The following TMEM9 variants were observed in gnomAD, a reference collection of about 807,000 sequenced individuals.
The protein encoded by TMEM9 is transmembrane protein 9.
A neutral mutation model predicts 22.8 loss-of-function variants in TMEM9; 13 were observed. That is an observed-to-expected ratio of 0.57 (90% CI 0.37 to 0.91). The LOEUF (loss-of-function observed/expected upper bound fraction) is 0.91. Among genes scored for constraint, TMEM9 ranks in the 40% least tolerant of loss-of-function variants. The pLI is 0.01. For synonymous variants in TMEM9, 88 were observed against 93.0 expected (o/e 0.95, Z 0.31); for missense variants, 182 against 238.1 (o/e 0.76, Z 1.55).
At chr1:201,155,175 G>A (rs1223786359), upstream of TMEM9, among the ~76,000 whole-genome samples, 7 of 152,218 alleles carry the variant, frequency 4.6e-5, no homozygotes, top group South Asian at 2.1e-4. Flanking sequence ...TGAGGACACC[G>A]GGGCTTTGGC....
chr1:201,153,916 A>C lies in TMEM9; in HGVS notation c.8T>G (p.Leu3Arg). MK[L>R]LSLVAVVGCL... ...CCCGACCACAGCCACCAAAGATAAG[A>C]GCTTCATGCTTATCAGGCTTGCTGG... is the stretch of plus-strand genomic sequence containing the variant. Residue 3 changes from leucine (L) to arginine (R), a missense_variant, in exon 1 of 5, where the codon CTC becomes CGC. Coordinates refer to ENST00000367330, the MANE Select transcript of TMEM9 (RefSeq NM_001288565.2). 6.2e-7 allele frequency: 1 copy of C among 1,611,704 alleles called. No homozygotes were observed. The highest frequency in any genetic ancestry group is 8.5e-7 in the Non-Finnish European group (1 of 1,178,542).
chr1:201,167,245 C>T (rs559471852), intron 1 of TMEM9, among the ~76,000 whole-genome samples: 6 of 152,300 alleles, frequency 3.9e-5, no homozygotes, highest in South Asian at 2.1e-4. Flanking sequence ...AGCCACGCCA[C>T]GCGGGCGACA....
At chr1:201,137,410 G>T (rs75740255) in intron 4 of TMEM9, among the ~76,000 whole-genome samples, 1,545 of 151,426 alleles carry the variant, frequency 0.01, 31 homozygotes, top group African/African-American at 0.036. Flanking sequence ...TGTAGTAAAT[G>T]TAGTCATTGA....
intron 1 of TMEM9, among the ~76,000 whole-genome samples, chr1:201,169,160 G>C (rs1320702451): frequency 6.6e-6 from 1 of 152,006 alleles, no homozygotes; most frequent in African/African-American, 2.4e-5. Flanking sequence ...GTGGGTTGGG[G>C]AGGAGGGTAC....
rs780290592 is a variant in TMEM9, at chr1:201,162,172, A to AT, written c.-36-8214dup. ...AGATCTAAACAAATATGCCCAATTG[A>AT]TTTTTTTTTTTTTTTTCCTGAGACA... is the stretch of plus-strand genomic sequence containing the variant. On this transcript the variant is annotated intron_variant, in intron 1 of 5. Coordinates refer to the TMEM9 transcript ENST00000367333. Among the ~76,000 whole-genome samples, 552 of 140,710 alleles carry AT rather than the reference A, an allele frequency of 3.9e-3. 2 individuals are homozygous for AT. The highest frequency in any genetic ancestry group is 7.7e-3 in the South Asian group (34 of 4,406). 92.3% of individuals were successfully genotyped at this position (140,710 alleles called of 152,430 possible). A position where few individuals can be genotyped will look rare whatever the true frequency, so the allele number is the denominator to read the frequency against.
chr1:201,151,712 A>T (rs777964266), intron 2 of TMEM9, 49 bp downstream of exon 2: 12 of 1,439,962 alleles, frequency 8.3e-6, no homozygotes, highest in Non-Finnish European at 8.8e-6. Flanking sequence ...GTAAACACCC[A>T]TAACTTCAAC....
intron 1 of TMEM9, among the ~76,000 whole-genome samples, chr1:201,162,974 C>T (rs1420943487): frequency 3.3e-5 from 5 of 152,132 alleles, no homozygotes; most frequent in Non-Finnish European, 7.3e-5. Context: ...ACGTCACAGC[C>T]ATTAGGGAAA....
At chr1:201,140,892 C>T (rs1664462904) in intron 4 of TMEM9, among the ~76,000 whole-genome samples, 1 of 152,180 alleles carries the variant, frequency 6.6e-6, no homozygotes, top group African/African-American at 2.4e-5. Flanking sequence ...TGCCCCCCAG[C>T]CCCATGTTTC....
chr1:201,168,279 G>T (rs893421455), intron 1 of TMEM9, among the ~76,000 whole-genome samples: 2 of 152,300 alleles, frequency 1.3e-5, no homozygotes, highest in East Asian at 3.9e-4. Context: ...CCTAGGAGTA[G>T]AATTGCTGAG....
In TMEM9 at chr1:201,166,393, A is replaced by T. The variant is rs144401633; in HGVS notation, c.-37+5097T>A. On this transcript the variant is annotated intron_variant, in intron 1 of 5. Coordinates refer to the TMEM9 transcript ENST00000367333. ...TTTTTTTTTTTTGATACAGAGTCTC[A>T]CTCTGTCACCCAGGCTAGAAATGCA... 1.9e-3 allele frequency among the ~76,000 whole-genome samples: 276 copies of T among 148,864 alleles called. 1 individual carries two copies. The highest frequency in any genetic ancestry group is 2.1e-3 in the South Asian group (10 of 4,704).
rs540733513 is a variant in TMEM9 at position 201,146,541 on chromosome 1, G to C, written c.267+199C>G. 5.9e-6 allele frequency: 4 copies of C among 679,388 alleles called. No homozygotes were observed. The South Asian group carries it at 6.4e-5, about 11-fold the overall frequency. 42.1% of individuals were successfully genotyped at this position (679,388 alleles called of 1,614,324 possible). A position where few individuals can be genotyped will look rare whatever the true frequency, so the allele number is the denominator to read the frequency against. The stretch of plus-strand genomic sequence containing the variant: ...CCTCTCACTGTAATGGTAACTACTG[G>C]AAAGAGAGCAGAGAAGGGAGCTGGC... On this transcript the variant is annotated intron_variant, in intron 3 of 4. Transcript: ENST00000367330.
At chr1:201,138,158 G>A (rs1664167577) in intron 4 of TMEM9, among the ~76,000 whole-genome samples, 1 of 152,100 alleles carries the variant, frequency 6.6e-6, no homozygotes, top group African/African-American at 2.4e-5. Flanking sequence ...TGGAAGGGTG[G>A]GGCAGCTTTA....
chr1:201,147,639 T>C (rs1277503757), intron 2 of TMEM9, among the ~76,000 whole-genome samples: 1 of 152,164 alleles, frequency 6.6e-6, no homozygotes, highest in Non-Finnish European at 1.5e-5. Context: ...GGCAGCCAAG[T>C]GGTTTTCCAG....
Position 201,143,923 on chromosome 1 carries a change from A to C in TMEM9, c.296T>G (p.Val99Gly), listed in dbSNP as rs936819442. Residue 99 changes from valine to glycine, a missense_variant, in exon 4 of 5, where the codon GTG becomes GGG. Transcript: ENST00000367330. ...KVIIVIYLSV[V>G]GALLLYMAFL... ...GGCCATGTAGAGCAACAGGGCACCC[A>C]CCACGGACAGGTAGATGACAATGAT... 1.9e-6 allele frequency: 3 copies of C among 1,614,148 alleles called. No homozygotes were observed. The highest frequency in any genetic ancestry group is 2.5e-6 in the Non-Finnish European group (3 of 1,180,006).
intron 4 of TMEM9, among the ~76,000 whole-genome samples, chr1:201,136,535 C>T (rs532119018): frequency 6.6e-6 from 1 of 152,218 alleles, no homozygotes; most frequent in Admixed American, 6.5e-5. Context: ...CCCAGCATTC[C>T]CTTTGCAGAG....
chr1:201,160,621 A>T (rs899047345), intron 1 of TMEM9, among the ~76,000 whole-genome samples: 2 of 148,024 alleles, frequency 1.4e-5, no homozygotes, highest in East Asian at 2.0e-4. Flanking sequence ...TACTGGGGAA[A>T]TTTTTTTTTT....
chr1:201,161,779 C>A (rs1176494077), intron 1 of TMEM9, among the ~76,000 whole-genome samples: 1 of 152,186 alleles, frequency 6.6e-6, no homozygotes, highest in Non-Finnish European at 1.5e-5. Flanking sequence ...TTGGGAAGTG[C>A]TGCTCCAGTG....
Position 201,135,589 on chromosome 1 carries a change from T to A in TMEM9, c.*74A>T. ...GACTGGAACCGAGGGAAGGGAGAAGTAGCCCCCTGCTTTGTCCAGCCTGGA... is the reference window on the plus strand; with the variant it reads ...GACTGGAACCGAGGGAAGGGAGAAGAAGCCCCCTGCTTTGTCCAGCCTGGA... On this transcript the variant is annotated 3_prime_UTR_variant, in exon 5 of 5. Transcript: ENST00000367330. 7.1e-7 allele frequency: 1 copy of A among 1,409,090 alleles called. No individual in the cohort carries two copies. Among genetic ancestry groups the A allele is most frequent in the Admixed American group, 2.6e-5 (1 of 38,858 alleles). 87.3% of individuals were successfully genotyped at this position (1,409,090 alleles called of 1,614,324 possible). A position where few individuals can be genotyped will look rare whatever the true frequency, so the allele number is the denominator to read the frequency against.
chr1:201,144,240 C>G, intron 3 of TMEM9: 1 of 311,816 alleles, frequency 3.2e-6, no homozygotes, highest in South Asian at 4.5e-5. Flanking sequence ...TGCCGAGAGG[C>G]TCCCGGGGTA....
Sources: gnomAD v4.1 joint callset for allele counts (sites outside exome capture counted in the v4.1 genomes callset) on GRCh38, gnomAD v4.1.1 for gene constraint, MANE v1.5 for transcripts, NCBI Gene and HGNC (gene_info 2026-07-23, HGNC 2026-07-21) for gene names.